The following PSMD5 variants were observed in gnomAD, a reference collection of about 807,000 sequenced individuals.
The protein encoded by PSMD5 is proteasome 26S subunit, non-ATPase 5.
A neutral mutation model predicts 52.1 loss-of-function variants in PSMD5; 40 were observed. The ratio of observed to expected loss-of-function variants is 0.77; its 90% CI spans 0.60 to 1.00. The LOEUF (loss-of-function observed/expected upper bound fraction) is 1.00, where lower values mean the gene tolerates loss of function less well. PSMD5 is among the 50% of genes least tolerant of loss of function. PSMD5 has a pLI of 0.00. For synonymous variants in PSMD5, 211 were observed against 226.6 expected, an observed-to-expected ratio of 0.93 and a Z score of 0.62; for missense variants, 575 against 605.2, an observed-to-expected ratio of 0.95 and a Z score of 0.52.
chr9:120,830,086 C>T (rs1462484332), intron 4 of PSMD5, among the ~76,000 whole-genome samples: 1 of 152,104 alleles, frequency 6.6e-6, no homozygotes, highest in Non-Finnish European at 1.5e-5. Flanking sequence ...GTGGTAGAAG[C>T]TGTACTAATG....
In PSMD5 at chr9:120,824,553, A is replaced by T; in HGVS notation, c.947T>A (p.Val316Glu). Residue 316 changes from valine (V) to glutamate (E), a missense_variant, in exon 7 of 10, where the codon GTA becomes GAA. Val to Glu is a moderately radical substitution (Grantham distance 121). Transcript: ENST00000210313. ...SQDPTMIGVA[V>E]DTVGILGSNV... is the part of the protein sequence containing the mutation. ...GGATCCCAAGATTCCAACTGTGTCT[A>T]CAGCTACACCAATCATAGTGGGGTC... 2.4e-5 allele frequency: 38 copies of T among 1,614,172 alleles called. No homozygotes were observed. The highest frequency in any genetic ancestry group is 3.2e-5 in the Non-Finnish European group (38 of 1,180,028).
At chr9:120,832,058 A>T (rs764169705) in intron 2 of PSMD5, 113 bp from the exon 3 acceptor site, 48 of 1,449,246 alleles carry the variant, frequency 3.3e-5, no homozygotes, top group Non-Finnish European at 4.4e-5. Context: ...GATCACAGCT[A>T]TATATCAATT....
rs1383260388 is a variant in PSMD5 at position 120,831,542 on chromosome 9, T to C, written c.433-83A>G. On this transcript the variant is annotated intron_variant, in intron 3 of 9. Coordinates refer to ENST00000210313, the MANE Select transcript of PSMD5 (RefSeq NM_005047.4). ...ATAAGAGTGATGTAAAAATAGTGCA[T>C]GGAATGCACCTTGCCCATGTTTTAG... 4 of 1,441,326 alleles carry C rather than the reference T, an allele frequency of 2.8e-6. No individual in the cohort carries two copies. The African/African-American group carries it at 5.7e-5, about 21-fold the overall frequency. 89.3% of individuals were successfully genotyped at this position (1,441,326 alleles called of 1,614,324 possible). A position where few individuals can be genotyped will look rare whatever the true frequency, so the allele number is the denominator to read the frequency against.
chr9:120,831,651 A>G, intron 3 of PSMD5, 181 bp downstream of exon 3: 1 of 1,110,954 alleles, frequency 9.0e-7, no homozygotes, highest in Non-Finnish European at 1.2e-6. Flanking sequence ...CTAGAAAATG[A>G]AAGGGGTTTA....
chr9:120,834,056 T>C (rs2045181765), intron 1 of PSMD5, among the ~76,000 whole-genome samples: 1 of 145,578 alleles, frequency 6.9e-6, no homozygotes, highest in Admixed American at 7.1e-5. Context: ...CTCTGCTCAC[T>C]GCAACCTCCG....
chr9:120,840,619 CTTTTTTT>C (rs35843505), intron 1 of PSMD5, among the ~76,000 whole-genome samples: 1 of 116,178 alleles, frequency 8.6e-6, no homozygotes, highest in Non-Finnish European at 1.8e-5. Context: ...CTAATTTTTG[CTTTTTTT>C]TTTTTTTTTT....
At chr9:120,820,067 C>A (rs1186757122) in intron 9 of PSMD5, among the ~76,000 whole-genome samples, 2 of 152,160 alleles carry the variant, frequency 1.3e-5, no homozygotes, top group Non-Finnish European at 2.9e-5. Flanking sequence ...TTCCTGCTCT[C>A]AGCCAACTCT....
intron 1 of PSMD5, among the ~76,000 whole-genome samples, chr9:120,837,747 A>G (rs1227942280): frequency 6.6e-6 from 1 of 152,232 alleles, no homozygotes; most frequent in Non-Finnish European, 1.5e-5. Flanking sequence ...TTTCATTCCT[A>G]GCTATTTACT....
chr9:120,818,522 CAA>C (rs1034683476), intron 9 of PSMD5, among the ~76,000 whole-genome samples: 9 of 151,970 alleles, frequency 5.9e-5, no homozygotes, highest in African/African-American at 1.9e-4. Flanking sequence ...AAATTATAAA[CAA>C]TGCATGATTA....
chr9:120,838,152 C>A (rs987357632), intron 1 of PSMD5, among the ~76,000 whole-genome samples: 1 of 152,142 alleles, frequency 6.6e-6, no homozygotes, highest in Non-Finnish European at 1.5e-5. Flanking sequence ...TATGAGGGAG[C>A]CTCTGGGAGT....
chr9:120,830,500 A>C (rs758294738), intron 4 of PSMD5, among the ~76,000 whole-genome samples: 1 of 152,182 alleles, frequency 6.6e-6, no homozygotes, highest in African/African-American at 2.4e-5. Context: ...GTTTTCATCA[A>C]CTCCAACAAT....
chr9:120,823,284 C>T (rs1183489047), intron 7 of PSMD5, among the ~76,000 whole-genome samples: 2 of 150,182 alleles, frequency 1.3e-5, no homozygotes, highest in African/African-American at 4.9e-5. Flanking sequence ...TCTCGGCTCA[C>T]TGCAACCTTT....
At chr9:120,827,942 A>G (rs1303520978) in intron 5 of PSMD5, among the ~76,000 whole-genome samples, 2 of 152,186 alleles carry the variant, frequency 1.3e-5, no homozygotes, top group Admixed American at 1.3e-4. Flanking sequence ...TTCTTTGAGA[A>G]CCTATGTCAG....
At chr9:120,820,758 G>C (rs574479146) in intron 9 of PSMD5, 81 bp downstream of exon 9, 1 of 1,375,910 alleles carries the variant, frequency 7.3e-7, no homozygotes, top group South Asian at 1.8e-5. Context: ...CCCAGAGATG[G>C]CACAGGCTCT....
At chr9:120,834,926 A>G (rs2045188361) in intron 1 of PSMD5, among the ~76,000 whole-genome samples, 1 of 152,246 alleles carries the variant, frequency 6.6e-6, no homozygotes, top group Non-Finnish European at 1.5e-5. Flanking sequence ...CCAGTGGTAG[A>G]TACAGAAGAT....
Position 120,820,989 on chromosome 9 carries a change from A to C in PSMD5, c.1117-10T>G, listed in dbSNP as rs1197168081. 2 of 1,571,416 alleles carry C rather than the reference A, an allele frequency of 1.3e-6. No individual in the cohort carries two copies. The highest frequency in any genetic ancestry group is 1.7e-6 in the Non-Finnish European group (2 of 1,167,728). ...CAGTCTGCTGCTCAGGCTACAGGAAAGAAAAGGAAAATCTCATCAAAAGTT... is the reference window on the plus strand; with the variant it reads ...CAGTCTGCTGCTCAGGCTACAGGAACGAAAAGGAAAATCTCATCAAAAGTT... On this transcript the variant is annotated splice_polypyrimidine_tract_variant and intron_variant, in intron 8 of 9. Transcript: ENST00000210313.
At chr9:120,833,233 C>T in intron 2 of PSMD5, 79 bp downstream of exon 2, 3 of 1,459,142 alleles carry the variant, frequency 2.1e-6, no homozygotes, top group Non-Finnish European at 2.8e-6. Context: ...AAATACTGTG[C>T]TTTCTTCATC....
intron 2 of PSMD5, 71 bp downstream of exon 2, chr9:120,833,241 A>G: frequency 6.7e-7 from 1 of 1,497,998 alleles, no homozygotes; most frequent in Non-Finnish European, 9.2e-7. Context: ...TGCTTTCTTC[A>G]TCTTTCTGTC....
chr9:120,841,652 TC>T (rs2045238959), intron 1 of PSMD5, among the ~76,000 whole-genome samples: 1 of 152,066 alleles, frequency 6.6e-6, no homozygotes, highest in Non-Finnish European at 1.5e-5. Context: ...TATATATACA[TC>T]TACCTCAATA....
Sources: allele counts gnomAD v4.1 joint callset (sites outside exome capture counted in the v4.1 genomes callset), GRCh38; gene constraint gnomAD v4.1.1; transcripts MANE v1.5; gene names NCBI Gene and HGNC (gene_info 2026-07-23, HGNC 2026-07-21).